The following CFAP161 variants were observed in gnomAD, a reference collection of about 807,000 sequenced individuals.
CFAP161 encodes cilia and flagella associated protein 161, also known as cilia- and flagella-associated protein 161.
Under a neutral mutation model 29.0 loss-of-function variants are expected in CFAP161, and 25 were observed. That is an observed-to-expected ratio of 0.86 (90% CI 0.63 to 1.20). CFAP161 has a LOEUF of 1.20. CFAP161 is among the 50% of genes most tolerant of loss of function. The pLI is 0.00. For synonymous variants in CFAP161, 116 were observed against 137.4 expected (o/e 0.84, Z 1.09); for missense variants, 367 against 371.9 (o/e 0.99, Z 0.11).
intron 5 of CFAP161, among the ~76,000 whole-genome samples, chr15:81,146,529 C>T (rs1895008582): frequency 1.3e-5 from 2 of 151,872 alleles, no homozygotes. Context: ...ATGATTTCAT[C>T]ATACAGATAT....
At chr15:81,142,812 G>C (rs1894933867) in intron 4 of CFAP161, among the ~76,000 whole-genome samples, 1 of 152,162 alleles carries the variant, frequency 6.6e-6, no homozygotes, top group South Asian at 2.1e-4. Flanking sequence ...CTAACATTTT[G>C]GACTTTTCAG....
At chr15:81,142,047 T>C (rs1448404023) in intron 4 of CFAP161, among the ~76,000 whole-genome samples, 1 of 152,118 alleles carries the variant, frequency 6.6e-6, no homozygotes, top group African/African-American at 2.4e-5. Flanking sequence ...CCAGGGCCAA[T>C]GGCGAATCTA....
chr15:81,134,523 A>G, intron 1 of CFAP161, 125 bp downstream of exon 1: 1 of 936,096 alleles, frequency 1.1e-6, no homozygotes, highest in East Asian at 2.8e-5. Flanking sequence ...GAATACCTCT[A>G]AAATCCCCCA....
chr15:81,125,229 C>T (rs539981595), intron 1 of CFAP161, among the ~76,000 whole-genome samples: 16 of 152,236 alleles, frequency 1.1e-4, no homozygotes, highest in African/African-American at 3.6e-4. Flanking sequence ...CAAAGCCCAT[C>T]ACCATTTCAA....
intron 1 of CFAP161, among the ~76,000 whole-genome samples, chr15:81,110,844 C>A (rs1287158917): frequency 1.3e-5 from 2 of 152,106 alleles, no homozygotes; most frequent in Non-Finnish European, 2.9e-5. Flanking sequence ...GCTCTGGTGG[C>A]CATGCTGGGC....
chr15:81,118,441 A>T lies in CFAP161; in HGVS notation c.-141-9149A>T, dbSNP rs74521088. ...AGTTCGCGGCTTGTTAACCACAGCC[A>T]CCTGAGGGCACGAAACCCGGCTGCT... is the stretch of plus-strand genomic sequence containing the variant. On this transcript the variant is annotated intron_variant, in intron 1 of 4. Transcript: ENST00000560091. 260 of 195,600 alleles carry T rather than the reference A, an allele frequency of 1.3e-3. 3 individuals are homozygous for T. The East Asian group carries it at 0.027, about 20-fold the overall frequency. 12.1% of individuals were successfully genotyped at this position (195,600 alleles called of 1,614,324 possible). A position where few individuals can be genotyped will look rare whatever the true frequency, so the allele number is the denominator to read the frequency against.
chr15:81,118,309 G>A (rs1894525649), intron 1 of CFAP161: 1 of 485,316 alleles, frequency 2.1e-6, no homozygotes, highest in East Asian at 5.2e-5. Flanking sequence ...CCAGTCATTT[G>A]ATTTGCAGTT....
chr15:81,131,390 A>G (rs1894709323), upstream of CFAP161, among the ~76,000 whole-genome samples: 1 of 152,182 alleles, frequency 6.6e-6, no homozygotes, highest in Non-Finnish European at 1.5e-5. Flanking sequence ...GCCATTATAA[A>G]TATGTTCAAA....
Position 81,148,477 on chromosome 15 carries a change from C to T in CFAP161, c.850C>T (p.Pro284Ser), listed in dbSNP as rs2279997. 0.011 allele frequency: 17,433 copies of T among 1,614,186 alleles called. 1,013 individuals are homozygous for T. In the East Asian group the frequency reaches 0.16, roughly 15 times the overall value. ...GTCCTCCATGTTGGATCTGCCCAAA[C>T]CACCCACAGAGGACACTCGAGCCAT... ...ASSSMLDLPKPPTEDTRAMEQ... is the reference protein window; with the variant it reads ...ASSSMLDLPKSPTEDTRAMEQ... Residue 284 changes from proline to serine, a missense_variant, in exon 7 of 7, where the codon CCA becomes TCA. By Grantham distance (74) the Pro-to-Ser change is moderately conservative. Transcript: ENST00000286732.
At chr15:81,105,162 T>TCTG (rs1567149895) in intron 1 of CFAP161, among the ~76,000 whole-genome samples, 1 of 31,482 alleles carries the variant, frequency 3.2e-5, no homozygotes. Context: ...CCTCCCTCCC[T>TCTG]TCCTTCCTCC....
chr15:81,137,091 C>A (rs900628601), intron 3 of CFAP161, among the ~76,000 whole-genome samples: 2 of 107,772 alleles, frequency 1.9e-5, no homozygotes, highest in African/African-American at 6.5e-5. Flanking sequence ...GTTCTTAATA[C>A]GGCTATTTTT....
intron 5 of CFAP161, among the ~76,000 whole-genome samples, chr15:81,144,963 G>A (rs1894982112): frequency 6.6e-6 from 1 of 152,168 alleles, no homozygotes; most frequent in Non-Finnish European, 1.5e-5. Context: ...GCATGGTCCT[G>A]ACGGGAAGGT....
upstream of CFAP161, among the ~76,000 whole-genome samples, chr15:81,132,606 A>G (rs1015527870): frequency 7.9e-5 from 12 of 152,218 alleles, no homozygotes; most frequent in Admixed American, 3.9e-4. Context: ...TATTATATAT[A>G]GAAATGTAAT....
intron 1 of CFAP161, among the ~76,000 whole-genome samples, chr15:81,120,003 A>T (rs1395925809): frequency 6.6e-6 from 1 of 152,234 alleles, no homozygotes; most frequent in Non-Finnish European, 1.5e-5. Context: ...AGTTGCATGG[A>T]TATTAAAACC....
chr15:81,148,615 C>A lies in CFAP161; in HGVS notation c.*82C>A. 1 of 1,356,314 alleles carries A rather than the reference C, an allele frequency of 7.4e-7. No homozygotes were observed. The highest frequency in any genetic ancestry group is 1.0e-6 in the Non-Finnish European group (1 of 996,496). 84.0% of individuals were successfully genotyped at this position (1,356,314 alleles called of 1,614,324 possible). On this transcript the variant is annotated 3_prime_UTR_variant, in exon 7 of 7. Coordinates refer to ENST00000286732, the MANE Select transcript of CFAP161 (RefSeq NM_173528.4). ...AAGAAATTAACAACCTTGGTCATGC[C>A]TCAAGCTATTTTTGAATCAGATGTG... is the stretch of plus-strand genomic sequence containing the variant.
In CFAP161 at chr15:81,121,743, C is replaced by T. The variant is rs139752102; in HGVS notation, c.-141-5847C>T. On this transcript the variant is annotated intron_variant, in intron 1 of 4. Transcript: ENST00000560091. ...ACTTTTAAGTTCAGGGGTACATGTG[C>T]GGGATGTGCAGATTTGTTACATAGG... Among the ~76,000 whole-genome samples the T allele has an allele frequency of 2.4e-3, 358 of 152,118 alleles. 1 individual carries two copies. The highest frequency in any genetic ancestry group is 7.7e-3 in the African/African-American group (320 of 41,502).
intron 4 of CFAP161, among the ~76,000 whole-genome samples, 188 bp from the exon 5 acceptor site, chr15:81,143,474 C>T (rs932049026): frequency 1.3e-5 from 2 of 152,058 alleles, no homozygotes; most frequent in South Asian, 2.1e-4. Flanking sequence ...GTGTGTGTGT[C>T]TTGGTCTCAG....
At chr15:81,127,971 G>A (rs1595914109) in intron 2 of CFAP161, among the ~76,000 whole-genome samples, 1 of 152,340 alleles carries the variant, frequency 6.6e-6, no homozygotes, top group East Asian at 1.9e-4. Flanking sequence ...GGACTACATA[G>A]TTGTTTTTAA....
chr15:81,144,558 C>T (rs1036205391), intron 5 of CFAP161, among the ~76,000 whole-genome samples: 6 of 151,892 alleles, frequency 4.0e-5, no homozygotes, highest in Non-Finnish European at 2.9e-5. Context: ...ACTGTACCAT[C>T]GCACTCCAGC....
Sources: gnomAD v4.1 joint callset for allele counts (sites outside exome capture counted in the v4.1 genomes callset) on GRCh38, gnomAD v4.1.1 for gene constraint, MANE v1.5 for transcripts, NCBI Gene and HGNC (gene_info 2026-07-23, HGNC 2026-07-21) for gene names.